TRABD2B: variants seen among roughly 807,000 people sequenced by gnomAD.
TRABD2B encodes TraB domain containing 2B, also known as metalloprotease TIKI2.
TRABD2B carries 14 observed loss-of-function variants against 40.1 expected under a neutral mutation model. The observed-to-expected ratio is 0.35, with a 90% CI of 0.23 to 0.55. The LOEUF (loss-of-function observed/expected upper bound fraction) is 0.55, where lower values mean the gene tolerates loss of function less well. TRABD2B is among the 20% of genes least tolerant of loss of function. TRABD2B has a pLI of 0.90. For synonymous variants in TRABD2B, 263 were observed against 277.0 expected, an observed-to-expected ratio of 0.95 and a Z score of 0.50; for missense variants, 541 against 648.6, an observed-to-expected ratio of 0.83 and a Z score of 1.80.
At chr1:47,846,287 A>C (rs1027563349) in intron 2 of TRABD2B, among the ~76,000 whole-genome samples, 1 of 152,252 alleles carries the variant, frequency 6.6e-6, no homozygotes, top group Non-Finnish European at 1.5e-5. Context: ...AATGGGAAAG[A>C]GGGATGCCAA....
intron 2 of TRABD2B, among the ~76,000 whole-genome samples, chr1:47,863,386 A>C (rs1007289968): frequency 7.7e-6 from 1 of 130,308 alleles, no homozygotes; most frequent in African/African-American, 2.8e-5. Flanking sequence ...ATATATATAT[A>C]TATATATAAT....
chr1:47,774,480 G>T (rs1289202021), intron 6 of TRABD2B, among the ~76,000 whole-genome samples: 1 of 152,184 alleles, frequency 6.6e-6, no homozygotes, highest in Non-Finnish European at 1.5e-5. Flanking sequence ...TGTGTACTGA[G>T]ATTGCAGGCA....
At chr1:47,820,851 T>C (rs1191369273) in intron 2 of TRABD2B, among the ~76,000 whole-genome samples, 1 of 151,078 alleles carries the variant, frequency 6.6e-6, no homozygotes, top group Admixed American at 6.6e-5. Context: ...CCATAATCCA[T>C]GAAGGAATTA....
At chr1:47,832,617 T>C (rs928246133) in intron 2 of TRABD2B, among the ~76,000 whole-genome samples, 4 of 152,212 alleles carry the variant, frequency 2.6e-5, no homozygotes, top group Admixed American at 2.6e-4. Context: ...GGCTGCACTG[T>C]GACTATCAGG....
intron 2 of TRABD2B, among the ~76,000 whole-genome samples, chr1:47,831,802 G>A (rs1429091694): frequency 1.3e-5 from 2 of 152,180 alleles, no homozygotes; most frequent in African/African-American, 2.4e-5. Context: ...CTGGCACACG[G>A]AGCACCTGGC....
chr1:47,939,152 T>C (rs984767675), intron 2 of TRABD2B, among the ~76,000 whole-genome samples: 28 of 151,098 alleles, frequency 1.9e-4, no homozygotes, highest in African/African-American at 6.8e-4. Flanking sequence ...CCCCCAGGAT[T>C]CTGTAATTAT....
Position 47,996,717 on chromosome 1 carries a change from C to A in TRABD2B, c.73G>T (p.Asp25Tyr). 1 of 1,228,726 alleles carries A rather than the reference C, an allele frequency of 8.1e-7. No homozygotes were observed. The highest frequency in any genetic ancestry group is 3.2e-5 in the East Asian group (1 of 31,298). 76.1% of individuals were successfully genotyped at this position (1,228,726 alleles called of 1,614,324 possible). ...ATARARPQPPDGGQCRPPGSQ... is the reference protein window; with the variant it reads ...ATARARPQPPYGGQCRPPGSQ... ...CCGGGCGGCCGGCACTGTCCTCCGT[C>A]CGGGGGCTGCGGGCGGGCGCGAGCG... The change falls in exon 1 of 7, where the codon GAC becomes TAC. Residue 25 changes from aspartate (D) to tyrosine (Y), a missense_variant. By Grantham distance (160) the Asp-to-Tyr change is radical. Around this residue, in one of 2 missense-constraint regions of TRABD2B, gnomAD observed 369 missense variants for 492.8 expected, o/e 0.75. Transcript: ENST00000606738. The surrounding 1 kb of genome is among the most constrained non-coding windows in gnomAD (Gnocchi z 4.6).
At chr1:47,883,796 T>C (rs948241726) in intron 2 of TRABD2B, among the ~76,000 whole-genome samples, 2 of 152,238 alleles carry the variant, frequency 1.3e-5, no homozygotes, top group Admixed American at 6.5e-5. Context: ...TAAGTGCCAC[T>C]GGCTTTCTCT....
intron 2 of TRABD2B, among the ~76,000 whole-genome samples, chr1:47,916,444 G>A (rs1251474514): frequency 6.6e-6 from 1 of 152,208 alleles, no homozygotes; most frequent in East Asian, 1.9e-4. Context: ...CTGTGACTGA[G>A]GGCAGCAGCA....
At chr1:47,960,903 A>C (rs1230123114) in intron 2 of TRABD2B, among the ~76,000 whole-genome samples, 1 of 152,156 alleles carries the variant, frequency 6.6e-6, no homozygotes, top group Admixed American at 6.5e-5. Context: ...CGCATTGCCA[A>C]GTCAATCCTG....
At chr1:47,778,128 A>T (rs2124082300) in intron 5 of TRABD2B, among the ~76,000 whole-genome samples, 1 of 152,006 alleles carries the variant, frequency 6.6e-6, no homozygotes, top group East Asian at 1.9e-4. Context: ...ATTCAGAGCC[A>T]GGGCAGCCAC....
At chr1:47,976,163 C>G (rs1210413566) in intron 2 of TRABD2B, among the ~76,000 whole-genome samples, 1 of 152,170 alleles carries the variant, frequency 6.6e-6, no homozygotes, top group Non-Finnish European at 1.5e-5. Flanking sequence ...TCTGCCTGCT[C>G]TAAAAGGTCT....
At chr1:47,770,166 C>G (rs758949617) in intron 6 of TRABD2B, among the ~76,000 whole-genome samples, 2 of 152,136 alleles carry the variant, frequency 1.3e-5, no homozygotes, top group Non-Finnish European at 2.9e-5. Flanking sequence ...AGCTTTTCAG[C>G]CTGAGGAGAC....
intron 2 of TRABD2B, among the ~76,000 whole-genome samples, chr1:47,893,994 A>G (rs1644484501): frequency 2.0e-5 from 3 of 152,104 alleles, no homozygotes; most frequent in Admixed American, 2.0e-4. Flanking sequence ...CTGATTGTTG[A>G]TTGTGCTCCT....
At chr1:47,909,559 AAGG>A (rs71056647) in intron 2 of TRABD2B, among the ~76,000 whole-genome samples, 27,922 of 116,688 alleles carry the variant, frequency 0.24, 3,576 homozygotes, top group East Asian at 0.36. Flanking sequence ...AAGAAGGAAG[AAGG>A]AGGAGGAGGA....
At chr1:47,771,437 G>A (rs1321661264) in intron 6 of TRABD2B, among the ~76,000 whole-genome samples, 1 of 152,148 alleles carries the variant, frequency 6.6e-6, no homozygotes, top group Non-Finnish European at 1.5e-5. Context: ...CCCTACACCT[G>A]GCCAGCATGA....
intron 2 of TRABD2B, among the ~76,000 whole-genome samples, chr1:47,931,344 T>C (rs1645037506): frequency 6.6e-6 from 1 of 152,142 alleles, no homozygotes; most frequent in Admixed American, 6.5e-5. Context: ...CTTTCTCTTT[T>C]CGCCACCAGC....
In TRABD2B at chr1:47,997,001, G is replaced by C; in HGVS notation, c.-212C>G. 1.8e-6 allele frequency: 2 copies of C among 1,085,126 alleles called. No individual in the cohort carries two copies. The highest frequency in any genetic ancestry group is 1.7e-5 in the African/African-American group (1 of 59,820). The allele number at this position is 1,085,126 out of a possible 1,614,324, so 67.2% of individuals were successfully genotyped here. A position where few individuals can be genotyped will look rare whatever the true frequency, so the allele number is the denominator to read the frequency against. On this transcript the variant is annotated 5_prime_UTR_variant, in exon 1 of 7. Coordinates refer to ENST00000606738, the MANE Select transcript of TRABD2B (RefSeq NM_001194986.2). ...TCTGTTGGAAGAGGGAGACCCTCTA[G>C]GGCTGGGCCCCTCCCCCGGGCGCTC...
intron 2 of TRABD2B, among the ~76,000 whole-genome samples, chr1:47,960,573 AG>A (rs1645497510): frequency 6.7e-6 from 1 of 149,984 alleles, no homozygotes; most frequent in African/African-American, 2.5e-5. Context: ...CACCAATAAC[AG>A]ACAGAGAGCC....
Sources: allele counts gnomAD v4.1 joint callset (sites outside exome capture counted in the v4.1 genomes callset), GRCh38; gene constraint gnomAD v4.1.1; regional missense constraint gnomAD v4.1.1; non-coding constraint Gnocchi (gnomAD v3.1); transcripts MANE v1.5; gene names NCBI Gene and HGNC (gene_info 2026-07-23, HGNC 2026-07-21).